Variants in MAD1L1 observed in about 807,000 individuals in gnomAD.
The protein encoded by MAD1L1 is mitotic spindle assembly checkpoint protein MAD1.
MAD1L1 carries 95 observed loss-of-function variants against 96.9 expected under a neutral mutation model. That is an observed-to-expected ratio of 0.98 (90% CI 0.83 to 1.16). MAD1L1 has a LOEUF of 1.16. MAD1L1 is among the 50% of genes most tolerant of loss of function. The probability of loss-of-function intolerance (pLI) is 0.00; values close to 1 mark genes in which losing one functional copy is unlikely to be tolerated. For missense variants in MAD1L1, 1,007 were observed against 954.4 expected, an observed-to-expected ratio of 1.06 and a Z score of -0.73; for synonymous variants, 473 against 396.6, an observed-to-expected ratio of 1.19 and a Z score of -2.29.
rs147364805 is a variant in MAD1L1, at chr7:2,099,685, G to A, written c.1074-30347C>T. On this transcript the variant is annotated intron_variant, in intron 11 of 18. Transcript: ENST00000265854. ...CTTCTCTTCAAAAAACCCATTAGAC[G>A]TGGTTCAGAAGAGGTACTCCTACCC... 3.6e-3 allele frequency among the ~76,000 whole-genome samples: 551 copies of A among 152,296 alleles called. 2 individuals are homozygous for A. The highest frequency in any genetic ancestry group is 0.013 in the African/African-American group (526 of 41,562).
intron 14 of MAD1L1, among the ~76,000 whole-genome samples, chr7:1,986,443 C>T (rs530086105): frequency 1.3e-5 from 2 of 152,302 alleles, no homozygotes; most frequent in East Asian, 1.9e-4. Context: ...GGTCAGGGGC[C>T]GCCTCTCGCA....
chr7:1,907,346 C>A (rs1787724395), intron 17 of MAD1L1, among the ~76,000 whole-genome samples: 1 of 152,248 alleles, frequency 6.6e-6, no homozygotes, highest in South Asian at 2.1e-4. Context: ...GGACTGGAGG[C>A]AGCTTCGGAA....
chr7:1,972,110 C>A (rs1287016346), intron 15 of MAD1L1, among the ~76,000 whole-genome samples: 1 of 152,212 alleles, frequency 6.6e-6, no homozygotes, highest in Admixed American at 6.5e-5. Flanking sequence ...CACTTCCCTC[C>A]ATGTCTACTC....
In MAD1L1 at chr7:2,142,178, A is replaced by T. The variant is rs769575492; in HGVS notation, c.1073+6974T>A. ...GACAGACAACTGACTCACGAGAGAGACGGCTTTTCAAAGGGCCCACACTAG... is the reference window on the plus strand; with the variant it reads ...GACAGACAACTGACTCACGAGAGAGTCGGCTTTTCAAAGGGCCCACACTAG... On this transcript the variant is annotated intron_variant, in intron 11 of 18. Coordinates refer to ENST00000265854, the MANE Select transcript of MAD1L1 (RefSeq NM_001013836.2). This position sits in a 1 kb window ranked among gnomAD's most constrained non-coding sequence, Gnocchi z 4.7. 6.6e-6 allele frequency among the ~76,000 whole-genome samples: 1 copy of T among 152,196 alleles called. No individual in the cohort carries two copies. The highest frequency in any genetic ancestry group is 1.5e-5 in the Non-Finnish European group (1 of 68,018).
At chr7:2,128,725 C>T (rs1002048884) in intron 11 of MAD1L1, among the ~76,000 whole-genome samples, 2 of 152,204 alleles carry the variant, frequency 1.3e-5, no homozygotes, top group Non-Finnish European at 2.9e-5. Flanking sequence ...AACCGGCTCC[C>T]TCTGCCCTTC....
chr7:2,124,689 C>A (rs991258455), intron 11 of MAD1L1, among the ~76,000 whole-genome samples: 1 of 152,172 alleles, frequency 6.6e-6, no homozygotes, highest in Non-Finnish European at 1.5e-5. Flanking sequence ...TTCTCACACA[C>A]CCCGGGAGGG....
At chr7:1,927,952 A>G (rs1255035355) in intron 17 of MAD1L1, among the ~76,000 whole-genome samples, 3 of 152,146 alleles carry the variant, frequency 2.0e-5, no homozygotes, top group South Asian at 2.1e-4. Flanking sequence ...AATACTAACA[A>G]TTCAATTAAA....
rs769471582 is a variant in MAD1L1 at position 2,216,273 on chromosome 7, C to T, written c.693G>A (p.Lys231=). ...CTGCATCCTGCTCTTGCAGGGACAG[C>T]TTCTGCTCCAGATCCTGATGGAGGC... is the stretch of plus-strand genomic sequence containing the variant. ...HEQQIKDLEQ[K]LSLQEQDAAI... The change falls in exon 8 of 19, where the codon AAG becomes AAA. Residue 231 remains lysine, a synonymous_variant. Transcript: ENST00000265854. 2.5e-6 allele frequency: 4 copies of T among 1,613,980 alleles called. No individual in the cohort carries two copies. In the East Asian group the frequency reaches 6.7e-5, roughly 27 times the overall value.
chr7:1,877,680 T>A (rs1009182985), intron 18 of MAD1L1, among the ~76,000 whole-genome samples: 1 of 152,188 alleles, frequency 6.6e-6, no homozygotes, highest in African/African-American at 2.4e-5. Flanking sequence ...GATTAAAAGA[T>A]TAGAAATATA....
At chr7:1,937,645 T>C (rs1778689060) in intron 16 of MAD1L1, among the ~76,000 whole-genome samples, 1 of 148,422 alleles carries the variant, frequency 6.7e-6, no homozygotes, top group South Asian at 2.1e-4. Flanking sequence ...AGGTGCAGGG[T>C]CACTGCGCAC....
chr7:1,934,476 C>G (rs10267825), intron 17 of MAD1L1, among the ~76,000 whole-genome samples: 59,608 of 150,492 alleles, frequency 0.4, 12,466 homozygotes, highest in African/African-American at 0.55. Flanking sequence ...AACAAACACA[C>G]GAGCGAACCC....
chr7:2,006,151 G>A (rs571857719), intron 13 of MAD1L1, among the ~76,000 whole-genome samples: 2 of 152,242 alleles, frequency 1.3e-5, no homozygotes, highest in African/African-American at 4.8e-5. Flanking sequence ...ACGTGTGGGT[G>A]CTCCTAAGAA....
intron 11 of MAD1L1, among the ~76,000 whole-genome samples, chr7:2,121,718 G>C (rs757111388): frequency 6.6e-6 from 1 of 152,186 alleles, no homozygotes; most frequent in Non-Finnish European, 1.5e-5. Flanking sequence ...CTCGAGGGTT[G>C]GGTGGGGAGG....
intron 3 of MAD1L1, among the ~76,000 whole-genome samples, chr7:2,227,554 A>G (rs1393222433): frequency 1.3e-5 from 2 of 152,202 alleles, no homozygotes; most frequent in South Asian, 2.1e-4. Flanking sequence ...CTGAGAAAAA[A>G]GAATTACCCA....
intron 18 of MAD1L1, among the ~76,000 whole-genome samples, chr7:1,876,079 G>A (rs1325973012): frequency 1.3e-5 from 2 of 152,200 alleles, no homozygotes; most frequent in South Asian, 2.1e-4. Context: ...CCCCGCCGTG[G>A]GGCTCTGTGA....
chr7:2,096,559 G>A (rs972252173), intron 11 of MAD1L1, among the ~76,000 whole-genome samples: 11 of 152,128 alleles, frequency 7.2e-5, no homozygotes, highest in African/African-American at 2.2e-4. Flanking sequence ...AGGGCGGGGC[G>A]GGCACTGAAA....
intron 18 of MAD1L1, among the ~76,000 whole-genome samples, chr7:1,831,494 T>A (rs1333325629): frequency 1.3e-5 from 2 of 152,138 alleles, no homozygotes; most frequent in Admixed American, 6.5e-5. Context: ...GGCTTCTAGG[T>A]GTTCAAGTGA....
intron 11 of MAD1L1, among the ~76,000 whole-genome samples, chr7:2,131,999 G>A (rs914221961): frequency 2.6e-5 from 4 of 152,264 alleles, no homozygotes; most frequent in South Asian, 2.1e-4. Flanking sequence ...CCGCCGCGGC[G>A]CTGCCTCCTG....
At position 1,989,358 on chromosome 7, in the gene MAD1L1, A is replaced by G. The variant is rs149223112; in HGVS notation, c.1417-8817T>C. 2.5e-3 allele frequency among the ~76,000 whole-genome samples: 374 copies of G among 152,330 alleles called. 1 individual carries two copies. The highest frequency in any genetic ancestry group is 3.4e-3 in the Middle Eastern group (1 of 294). On this transcript the variant is annotated intron_variant, in intron 14 of 18. Coordinates refer to ENST00000265854, the MANE Select transcript of MAD1L1 (RefSeq NM_001013836.2). ...GATTAGTCTGGCTAGAGGTTTATCA[A>G]TTTTATCTCACAGAAACAGATTTTG...
Sources: allele counts gnomAD v4.1 joint callset (sites outside exome capture counted in the v4.1 genomes callset), GRCh38; gene constraint gnomAD v4.1.1; non-coding constraint Gnocchi (gnomAD v3.1); transcripts MANE v1.5; gene names NCBI Gene and HGNC (gene_info 2026-07-23, HGNC 2026-07-21).